The following BTRC variants were observed in gnomAD, a reference collection of about 807,000 sequenced individuals.
BTRC encodes the protein beta-transducin repeat containing E3 ubiquitin protein ligase.
In BTRC, 42 loss-of-function variants were observed where a neutral mutation model predicts 85.5. That is an observed-to-expected ratio of 0.49 (90% CI 0.38 to 0.64). The LOEUF (loss-of-function observed/expected upper bound fraction) is 0.64, where lower values mean the gene tolerates loss of function less well. Ranked by LOEUF, BTRC falls within the 30% of genes least tolerant of loss-of-function variation. BTRC has a pLI of 0.00. For synonymous variants in BTRC, 255 were observed against 263.3 expected, an observed-to-expected ratio of 0.97 and a Z score of 0.30; for missense variants, 594 against 743.5, an observed-to-expected ratio of 0.80 and a Z score of 2.34.
intron 1 of BTRC, among the ~76,000 whole-genome samples, chr10:101,395,336 C>T (rs1299792369): frequency 6.6e-6 from 1 of 152,166 alleles, no homozygotes; most frequent in Non-Finnish European, 1.5e-5. Context: ...TCTTTGCCCC[C>T]CTTTTTTCCC....
At chr10:101,482,496 C>T (rs188940442) in intron 4 of BTRC, among the ~76,000 whole-genome samples, 1 of 148,642 alleles carries the variant, frequency 6.7e-6, no homozygotes, top group Non-Finnish European at 1.5e-5. Context: ...CCCGGTTTCA[C>T]GCCATTTTCC....
chr10:101,532,768 G>GTA (rs1424493878), intron 8 of BTRC, among the ~76,000 whole-genome samples, 184 bp from the exon 9 acceptor site: 2 of 71,458 alleles, frequency 2.8e-5, no homozygotes, highest in African/African-American at 2.0e-4. Flanking sequence ...GTGTGTGTGT[G>GTA]TGTGTGTGTG....
intron 1 of BTRC, among the ~76,000 whole-genome samples, chr10:101,425,028 A>G (rs1443926184): frequency 6.6e-6 from 1 of 152,012 alleles, no homozygotes; most frequent in Non-Finnish European, 1.5e-5. Context: ...TTTTGTTCCT[A>G]TGTATAAGTG....
chr10:101,362,766 A>G (rs1391179478), intron 1 of BTRC, among the ~76,000 whole-genome samples: 1 of 152,248 alleles, frequency 6.6e-6, no homozygotes, highest in Non-Finnish European at 1.5e-5. Flanking sequence ...GGTCCCTCAT[A>G]TTTGTGGGTT....
intron 13 of BTRC, among the ~76,000 whole-genome samples, chr10:101,545,443 T>C (rs1357813457): frequency 1.3e-5 from 2 of 152,242 alleles, no homozygotes; most frequent in Non-Finnish European, 2.9e-5. Flanking sequence ...CTAAAATTTA[T>C]ATGATGTCTT....
At chr10:101,375,194 C>T (rs115112317) in intron 1 of BTRC, among the ~76,000 whole-genome samples, 1,719 of 152,266 alleles carry the variant, frequency 0.011, 16 homozygotes, top group Middle Eastern at 0.027. Context: ...GGCGGATTTC[C>T]GCCTTTTGTG....
intron 1 of BTRC, among the ~76,000 whole-genome samples, chr10:101,403,649 A>G (rs965110550): frequency 6.6e-6 from 1 of 152,080 alleles, no homozygotes; most frequent in Non-Finnish European, 1.5e-5. Context: ...AGAGTGCAGT[A>G]GCATGATCAT....
At chr10:101,427,597 C>T (rs1302579243) in intron 1 of BTRC, among the ~76,000 whole-genome samples, 6 of 151,404 alleles carry the variant, frequency 4.0e-5, no homozygotes, top group Non-Finnish European at 8.8e-5. Flanking sequence ...GCATGATCAC[C>T]GCTCATTGCT....
intron 2 of BTRC, among the ~76,000 whole-genome samples, chr10:101,442,276 C>G (rs941171695): frequency 7.6e-6 from 1 of 132,406 alleles, no homozygotes; most frequent in African/African-American, 2.9e-5. Flanking sequence ...CTCTCTCTCT[C>G]TCTCTCTGTC....
intron 2 of BTRC, among the ~76,000 whole-genome samples, chr10:101,460,299 T>C (rs1332765950): frequency 2.0e-5 from 3 of 152,230 alleles, no homozygotes; most frequent in African/African-American, 7.2e-5. Context: ...CTTTCTTTGT[T>C]TGATACTCTT....
At chr10:101,503,143 G>A (rs1946435923) in intron 4 of BTRC, among the ~76,000 whole-genome samples, 1 of 152,116 alleles carries the variant, frequency 6.6e-6, no homozygotes, top group Non-Finnish European at 1.5e-5. Flanking sequence ...TAGAATCAGT[G>A]TCAAATTATG....
At chr10:101,387,528 CTTTT>C (rs535656002) in intron 1 of BTRC, among the ~76,000 whole-genome samples, 9 of 45,118 alleles carry the variant, frequency 2.0e-4, no homozygotes, top group Admixed American at 2.7e-4. Flanking sequence ...CTTCATGGGA[CTTTT>C]TTTTTTTTTT....
At chr10:101,399,324 T>C (rs1031811425) in intron 1 of BTRC, among the ~76,000 whole-genome samples, 2 of 614 alleles carry the variant, frequency 3.3e-3, no homozygotes, top group South Asian at 0.083. Flanking sequence ...GAATCACCTT[T>C]TTTTTTTTTT....
intron 1 of BTRC, among the ~76,000 whole-genome samples, chr10:101,401,639 A>T (rs1440856814): frequency 1.3e-5 from 2 of 152,118 alleles, no homozygotes; most frequent in African/African-American, 4.8e-5. Context: ...TATTATGCTG[A>T]TACAAATGAA....
At chr10:101,421,959 T>C (rs1944114137) in intron 1 of BTRC, among the ~76,000 whole-genome samples, 1 of 152,154 alleles carries the variant, frequency 6.6e-6, no homozygotes, top group Non-Finnish European at 1.5e-5. Flanking sequence ...TAGAGCAGCA[T>C]GATTTATAAT....
chr10:101,360,154 AAGCAATTCTTGTGCCTC>A (rs1219515318), intron 1 of BTRC, among the ~76,000 whole-genome samples: 1 of 151,938 alleles, frequency 6.6e-6, no homozygotes, highest in Admixed American at 6.6e-5. Context: ...TCCTGGGTTC[AAGCAATTCTTGTGCCTC>A]AGCCTCCCAG....
chr10:101,479,342 C>T (rs768704689), intron 3 of BTRC, 26 bp from the exon 4 acceptor site: 5 of 1,573,698 alleles, frequency 3.2e-6, no homozygotes, highest in Admixed American at 1.7e-5. Context: ...TTTTAAAAAC[C>T]TGTTTCCAAC....
intron 3 of BTRC, among the ~76,000 whole-genome samples, chr10:101,479,101 A>G (rs74415794): frequency 0.067 from 10,149 of 152,300 alleles, 356 homozygotes; most frequent in Non-Finnish European, 0.074. Flanking sequence ...TTAAAATGCT[A>G]CATAATCAGT....
chr10:101,506,386 T>C (rs1050687428), intron 4 of BTRC, among the ~76,000 whole-genome samples: 1 of 152,184 alleles, frequency 6.6e-6, no homozygotes, highest in Non-Finnish European at 1.5e-5. Context: ...CCTTTCTCTG[T>C]CCTCCCAAAA....
Sources: gnomAD v4.1 joint callset for allele counts (sites outside exome capture counted in the v4.1 genomes callset) on GRCh38, gnomAD v4.1.1 for gene constraint, MANE v1.5 for transcripts, NCBI Gene and HGNC (gene_info 2026-07-23, HGNC 2026-07-21) for gene names.